STK32C: variants seen among roughly 807,000 people sequenced by gnomAD.
STK32C encodes the protein serine/threonine-protein kinase 32C.
A neutral mutation model predicts 56.5 loss-of-function variants in STK32C; 31 were observed. The ratio of observed to expected loss-of-function variants is 0.55; its 90% CI spans 0.41 to 0.74. The LOEUF is 0.74. Ranked by LOEUF, STK32C falls within the 30% of genes least tolerant of loss-of-function variation. The pLI is 0.00. For synonymous variants in STK32C, 309 were observed against 289.4 expected (o/e 1.07, Z -0.69); for missense variants, 544 against 676.9 (o/e 0.80, Z 2.18).
At chr10:132,268,091 G>A (rs1265503820) in intron 1 of STK32C, among the ~76,000 whole-genome samples, 1 of 150,772 alleles carries the variant, frequency 6.6e-6, no homozygotes, top group Non-Finnish European at 1.5e-5. Context: ...GTGTCGGTGT[G>A]TGTGCATGCC....
At chr10:132,308,068 C>A (rs1212918040), upstream of STK32C, 30 of 250,024 alleles carry the variant, frequency 1.2e-4, no homozygotes, top group South Asian at 5.3e-3. Flanking sequence ...AGCTGAGCGC[C>A]GGGGCGTGGC....
intron 1 of STK32C, among the ~76,000 whole-genome samples, chr10:132,299,696 G>A (rs917488686): frequency 3.3e-5 from 5 of 152,220 alleles, no homozygotes; most frequent in East Asian, 1.9e-4. Flanking sequence ...CCACAGCATC[G>A]TGAGAAACCA....
At chr10:132,252,407 C>A (rs1032441172) in intron 1 of STK32C, among the ~76,000 whole-genome samples, 1 of 152,262 alleles carries the variant, frequency 6.6e-6, no homozygotes, top group Non-Finnish European at 1.5e-5. Context: ...GTCGTGATTA[C>A]GGGGACCAAG....
chr10:132,210,870 T>A (rs377523313), intron 10 of STK32C, among the ~76,000 whole-genome samples: 1 of 152,224 alleles, frequency 6.6e-6, no homozygotes, highest in African/African-American at 2.4e-5. Flanking sequence ...GCAGCGGGAA[T>A]GTGGACTCTC....
chr10:132,305,665 C>A (rs950493136), intron 1 of STK32C, among the ~76,000 whole-genome samples: 1 of 152,192 alleles, frequency 6.6e-6, no homozygotes. Flanking sequence ...ATCCCTTCCA[C>A]CAACACGAGT....
intron 1 of STK32C, among the ~76,000 whole-genome samples, chr10:132,262,665 C>T (rs1003498338): frequency 6.7e-6 from 1 of 149,680 alleles, no homozygotes; most frequent in Non-Finnish European, 1.5e-5. Context: ...GTAATCCCAG[C>T]ACTTTGGGAG....
At chr10:132,224,643 C>CA (rs953539745) in intron 7 of STK32C, 120 bp from the exon 8 acceptor site, 1 of 726,070 alleles carries the variant, frequency 1.4e-6, no homozygotes, top group African/African-American at 1.7e-5. Context: ...AGTGCAGGCA[C>CA]AGCTCTGAGC....
chr10:132,328,036 T>C (rs1363042758), intron 1 of STK32C, among the ~76,000 whole-genome samples: 1 of 152,154 alleles, frequency 6.6e-6, no homozygotes, highest in Non-Finnish European at 1.5e-5. Context: ...GTAACTGCCC[T>C]ATGGGTTCAC....
chr10:132,238,932 C>T (rs1186301268), intron 2 of STK32C, among the ~76,000 whole-genome samples: 1 of 152,210 alleles, frequency 6.6e-6, no homozygotes, highest in Non-Finnish European at 1.5e-5. Flanking sequence ...GGGCGGAGAC[C>T]AGGCTGCAGT....
At chr10:132,305,867 C>G (rs950419816) in intron 1 of STK32C, among the ~76,000 whole-genome samples, 3 of 152,236 alleles carry the variant, frequency 2.0e-5, no homozygotes, top group East Asian at 1.9e-4. Flanking sequence ...CCAGCTGAGT[C>G]CCGGCGGGTG....
At chr10:132,265,126 C>CAGGGCGGCGAGGTGGCTCTGGGGGAGCT (rs2064460824) in intron 1 of STK32C, among the ~76,000 whole-genome samples, 2 of 141,582 alleles carry the variant, frequency 1.4e-5, no homozygotes, top group African/African-American at 5.6e-5. Context: ...CTGGGGGTGC[C>CAGGGCGGCGAGGTGGCTCTGGGGGAGCT]GCAAGGGCAG....
At chr10:132,296,383 G>C (rs2065747360) in intron 1 of STK32C, among the ~76,000 whole-genome samples, 1 of 152,022 alleles carries the variant, frequency 6.6e-6, no homozygotes, top group South Asian at 2.1e-4. Context: ...ACGAGGTATG[G>C]ATACGGGTCC....
chr10:132,319,975 C>T (rs895356245), downstream of STK32C, among the ~76,000 whole-genome samples: 2 of 151,134 alleles, frequency 1.3e-5, no homozygotes, highest in African/African-American at 4.9e-5. Flanking sequence ...GCAACCTCCG[C>T]CTCCCAGGTT....
intron 2 of STK32C, among the ~76,000 whole-genome samples, chr10:132,239,330 C>A (rs546321368): frequency 4.6e-5 from 7 of 152,300 alleles, no homozygotes; most frequent in African/African-American, 1.7e-4. Flanking sequence ...CCGGCACCAG[C>A]AAACGGTCCT....
intron 1 of STK32C, among the ~76,000 whole-genome samples, chr10:132,267,584 T>C (rs2064596865): frequency 6.6e-6 from 1 of 150,786 alleles, no homozygotes; most frequent in Non-Finnish European, 1.5e-5. Flanking sequence ...CGTGTGTGTG[T>C]CAGTGCATGT....
chr10:132,310,714 G>A (rs2066203027), upstream of STK32C, among the ~76,000 whole-genome samples: 1 of 152,226 alleles, frequency 6.6e-6, no homozygotes, highest in Non-Finnish European at 1.5e-5. This position sits in a 1 kb window ranked among gnomAD's most constrained non-coding sequence, Gnocchi z 4.6. Flanking sequence ...AAGTGACAAT[G>A]TGACAGATAA....
rs561357028 is a variant in STK32C at position 132,246,997 on chromosome 10, T to C, written c.263-1042A>G. 1.5e-4 allele frequency among the ~76,000 whole-genome samples: 23 copies of C among 152,310 alleles called. No homozygotes were observed. In the South Asian group the frequency reaches 4.8e-3, roughly 32 times the overall value. On this transcript the variant is annotated intron_variant, in intron 1 of 11. Transcript: ENST00000298630. ...CGCTGGTTCATGACATTTCACCTAT[T>C]TACCCACTTTTACCCCAGCCTCATG... is the stretch of plus-strand genomic sequence containing the variant.
rs2137537560 is a variant in STK32C, at chr10:132,207,609, C to CA, written c.*400dup. 5.5e-6 allele frequency: 1 copy of CA among 181,002 alleles called. No individual in the cohort carries two copies. The highest frequency in any genetic ancestry group is 2.3e-5 in the African/African-American group (1 of 42,844). 11.2% of individuals were successfully genotyped at this position (181,002 alleles called of 1,614,324 possible). On this transcript the variant is annotated 3_prime_UTR_variant, in exon 12 of 12. Transcript: ENST00000298630. ...TACCCCAACCCATGCCCTTGACCTC[C>CA]AAGACCTGAGCCGAGCCTGGGGCAC...
intron 1 of STK32C, among the ~76,000 whole-genome samples, chr10:132,270,226 T>C (rs536574132): frequency 2.0e-5 from 3 of 152,322 alleles, no homozygotes; most frequent in Non-Finnish European, 2.9e-5. Context: ...ATTCACCTTA[T>C]GTGGCAAAAA....
Sources: allele counts gnomAD v4.1 joint callset (sites outside exome capture counted in the v4.1 genomes callset), GRCh38; gene constraint gnomAD v4.1.1; non-coding constraint Gnocchi (gnomAD v3.1); transcripts MANE v1.5; gene names NCBI Gene and HGNC (gene_info 2026-07-23, HGNC 2026-07-21).